SHISA9: variants seen among roughly 807,000 people sequenced by gnomAD.
SHISA9 encodes protein shisa-9.
In SHISA9, 13 loss-of-function variants were observed where a neutral mutation model predicts 38.0. The observed-to-expected ratio is 0.34, with a 90% confidence interval of 0.22 to 0.54. The LOEUF (loss-of-function observed/expected upper bound fraction) is 0.54, where lower values mean the gene tolerates loss of function less well. Ranked by LOEUF, SHISA9 falls within the 20% of genes least tolerant of loss-of-function variation. The pLI is 0.91. For synonymous variants in SHISA9, 275 were observed against 242.0 expected (o/e 1.14, Z -1.27); for missense variants, 538 against 575.8 (o/e 0.93, Z 0.67).
the SHISA9 span, among the ~76,000 whole-genome samples, chr16:13,344,879 T>C: frequency 2.0e-5 from 3 of 152,166 alleles, no homozygotes; most frequent in African/African-American, 7.2e-5. Context: ...GAGGCATTAG[T>C]CCTCTTGGCT....
intron 2 of SHISA9, among the ~76,000 whole-genome samples, chr16:13,123,804 AG>A (rs2050234063): frequency 6.6e-6 from 1 of 152,220 alleles, no homozygotes; most frequent in Non-Finnish European, 1.5e-5. Context: ...GAGCTAGACA[AG>A]GCCACATTTC....
At chr16:13,469,304 G>GAC in the SHISA9 span, among the ~76,000 whole-genome samples, 1 of 47,184 alleles carries the variant, frequency 2.1e-5, no homozygotes, top group Non-Finnish European at 4.0e-5. Context: ...AAGAAAGACA[G>GAC]AGAGAGAGAG....
the SHISA9 span, among the ~76,000 whole-genome samples, chr16:13,247,290 A>C: frequency 6.6e-6 from 1 of 152,152 alleles, no homozygotes; most frequent in Non-Finnish European, 1.5e-5. Context: ...GAGAGATTAA[A>C]TTTGGGTGGG....
intron 1 of SHISA9, chr16:12,909,388 C>T: frequency 1.0e-6 from 1 of 985,382 alleles, no homozygotes; most frequent in Non-Finnish European, 1.2e-6. Context: ...AAGAAGTGCT[C>T]AGGAACTCTA....
At chr16:13,429,189 T>C in the SHISA9 span, among the ~76,000 whole-genome samples, 2 of 152,198 alleles carry the variant, frequency 1.3e-5, no homozygotes, top group South Asian at 4.1e-4. Context: ...ATCTCAATTT[T>C]AGTAGTAATG....
the SHISA9 span, among the ~76,000 whole-genome samples, chr16:13,355,772 G>C: frequency 6.6e-6 from 1 of 152,154 alleles, no homozygotes. Flanking sequence ...AGAGTTACCT[G>C]AAGCTCGATG....
chr16:13,402,586 C>T, the SHISA9 span, among the ~76,000 whole-genome samples: 2 of 149,934 alleles, frequency 1.3e-5, no homozygotes, highest in Middle Eastern at 3.5e-3. Context: ...ACAATCTCAG[C>T]TCACTGTAAC....
the SHISA9 span, among the ~76,000 whole-genome samples, chr16:13,252,539 C>T: frequency 1.3e-5 from 2 of 152,192 alleles, no homozygotes; most frequent in African/African-American, 2.4e-5. Context: ...CCCTGGCTCA[C>T]CCCACATCTG....
chr16:13,108,318 T>C (rs1001611733), intron 2 of SHISA9, among the ~76,000 whole-genome samples: 1 of 152,128 alleles, frequency 6.6e-6, no homozygotes, highest in African/African-American at 2.4e-5. Flanking sequence ...TTTGTAGAGA[T>C]AGGATCTTGT....
At chr16:13,538,951 T>C in the SHISA9 span, among the ~76,000 whole-genome samples, 2 of 152,068 alleles carry the variant, frequency 1.3e-5, no homozygotes, top group African/African-American at 2.4e-5. Flanking sequence ...TAGATTCATG[T>C]TGAGAAACAG....
the SHISA9 span, among the ~76,000 whole-genome samples, chr16:13,355,569 TG>T: frequency 3.3e-5 from 5 of 151,734 alleles, no homozygotes; most frequent in African/African-American, 4.9e-5. Context: ...TGGGGATAAC[TG>T]AAAAGGAGTG....
intron 2 of SHISA9, among the ~76,000 whole-genome samples, chr16:13,199,933 G>C (rs2050988160): frequency 6.6e-6 from 1 of 152,100 alleles, no homozygotes; most frequent in African/African-American, 2.4e-5. Flanking sequence ...GGGTATCTCT[G>C]GCCACTGGAG....
intron 1 of SHISA9, among the ~76,000 whole-genome samples, chr16:12,903,495 C>G (rs1176854003): frequency 7.0e-6 from 1 of 142,700 alleles, no homozygotes; most frequent in Non-Finnish European, 1.5e-5. Flanking sequence ...ATTAATGGAG[C>G]TATTTGCCTT....
At chr16:13,391,750 T>C in the SHISA9 span, among the ~76,000 whole-genome samples, 1 of 152,180 alleles carries the variant, frequency 6.6e-6, no homozygotes, top group Non-Finnish European at 1.5e-5. Flanking sequence ...TGATCTTGGA[T>C]AACCCTGGGA....
chr16:13,081,683 C>T (rs1011705184), intron 2 of SHISA9, among the ~76,000 whole-genome samples: 1 of 151,910 alleles, frequency 6.6e-6, no homozygotes, highest in African/African-American at 2.4e-5. Flanking sequence ...TTTCTCAACA[C>T]AGCACTTTAG....
At chr16:13,338,418 G>A in the SHISA9 span, among the ~76,000 whole-genome samples, 3 of 152,176 alleles carry the variant, frequency 2.0e-5, no homozygotes, top group Non-Finnish European at 4.4e-5. Flanking sequence ...GCATGAGCAT[G>A]CCAAATATCT....
At chr16:13,301,207 A>G in the SHISA9 span, among the ~76,000 whole-genome samples, 8 of 152,180 alleles carry the variant, frequency 5.3e-5, no homozygotes, top group Admixed American at 3.3e-4. Context: ...GAGGCCAGAC[A>G]GGTGGAAATG....
the SHISA9 span, among the ~76,000 whole-genome samples, chr16:13,527,168 C>A: frequency 0.017 from 2,543 of 152,296 alleles, 34 homozygotes; most frequent in Non-Finnish European, 0.027. Context: ...AAGGGTTTTA[C>A]ATGAAATTCA....
rs982459366 is a variant in SHISA9 at position 13,239,607 on chromosome 16, A to T, written c.*4198A>T. On this transcript the variant is annotated 3_prime_UTR_variant, in exon 5 of 5. Coordinates refer to ENST00000558583, the MANE Select transcript of SHISA9 (RefSeq NM_001145204.3). ...GGCCAGTGATGATGAGCATTTTTTC[A>T]TGTGTCTTTTGACTGCATAAATGTC... 2 of 152,070 alleles carry T rather than the reference A, an allele frequency of 1.3e-5. No homozygotes were observed. The highest frequency in any genetic ancestry group is 2.4e-5 in the African/African-American group (1 of 41,380). 9.4% of individuals were successfully genotyped at this position (152,070 alleles called of 1,614,324 possible). A position where few individuals can be genotyped will look rare whatever the true frequency, so the allele number is the denominator to read the frequency against.
Sources: gnomAD v4.1 joint callset for allele counts (sites outside exome capture counted in the v4.1 genomes callset) on GRCh38, gnomAD v4.1.1 for gene constraint, MANE v1.5 for transcripts, NCBI Gene and HGNC (gene_info 2026-07-23, HGNC 2026-07-21) for gene names.